The following FHL2 variants were observed in gnomAD, a reference collection of about 807,000 sequenced individuals.
FHL2 encodes four and a half LIM domains protein 2.
In FHL2, 20 loss-of-function variants were observed where a neutral mutation model predicts 32.7. That is an observed-to-expected ratio of 0.61 (90% CI 0.43 to 0.89). The LOEUF (loss-of-function observed/expected upper bound fraction) is 0.89, where lower values mean the gene tolerates loss of function less well. Ranked by LOEUF, FHL2 falls within the 40% of genes least tolerant of loss-of-function variation. The pLI is 0.00. For missense variants in FHL2, 311 were observed against 358.6 expected (o/e 0.87, Z 1.07); for synonymous variants, 123 against 128.1 (o/e 0.96, Z 0.27).
chr2:105,409,721 A>C (rs1391870145), intron 1 of FHL2, among the ~76,000 whole-genome samples: 1 of 152,152 alleles, frequency 6.6e-6, no homozygotes, highest in Non-Finnish European at 1.5e-5. Context: ...GGTGATATAA[A>C]ATCCACCTTG....
chr2:105,412,527 T>C (rs1412155438), intron 1 of FHL2, among the ~76,000 whole-genome samples: 1 of 152,184 alleles, frequency 6.6e-6, no homozygotes, highest in Non-Finnish European at 1.5e-5. Flanking sequence ...TTGGAGCTGA[T>C]GGTATGAACA....
At chr2:105,429,797 T>C (rs547390790) in intron 1 of FHL2, among the ~76,000 whole-genome samples, 138 of 152,294 alleles carry the variant, frequency 9.1e-4, no homozygotes, top group African/African-American at 3.2e-3. Flanking sequence ...AGCCTAGGAA[T>C]TGTAATTGTC....
chr2:105,372,959 C>T (rs1363294508), intron 4 of FHL2, among the ~76,000 whole-genome samples: 3 of 152,182 alleles, frequency 2.0e-5, no homozygotes, highest in African/African-American at 2.4e-5. Flanking sequence ...AAATAACTCC[C>T]CCCACATACA....
intron 3 of FHL2, chr2:105,376,025 ATCG>A (rs1012229942): frequency 6.6e-6 from 1 of 152,202 alleles, no homozygotes; most frequent in African/African-American, 2.4e-5. Context: ...GGACATCATC[ATCG>A]TTCGGGAACA....
Position 105,429,327 on chromosome 2 carries a change from A to G in FHL2, c.-25+9072T>C, listed in dbSNP as rs558628272. The stretch of plus-strand genomic sequence containing the variant: ...GGAACCCATGAATATGACACCTTAC[A>G]TGGCAAGAGGGGCTTTGCAGATGTG... On this transcript the variant is annotated intron_variant, in intron 1 of 5. Transcript: ENST00000393352. 5.9e-5 allele frequency among the ~76,000 whole-genome samples: 9 copies of G among 152,344 alleles called. No individual in the cohort carries two copies. In the South Asian group the frequency reaches 1.9e-3, roughly 32 times the overall value.
intron 4 of FHL2, among the ~76,000 whole-genome samples, chr2:105,369,191 A>G (rs1680848647): frequency 6.6e-6 from 1 of 152,176 alleles, no homozygotes; most frequent in South Asian, 2.1e-4. Context: ...GGGTCAGGGA[A>G]TGATGGGGAA....
downstream of FHL2, chr2:105,358,286 C>T (rs1680092996): frequency 6.6e-6 from 1 of 152,270 alleles, no homozygotes; most frequent in Admixed American, 6.5e-5. Context: ...TGGATCTCCT[C>T]TGGGGGCTGG....
chr2:105,430,548 G>T (rs1390667629), intron 1 of FHL2, among the ~76,000 whole-genome samples: 1 of 152,138 alleles, frequency 6.6e-6, no homozygotes, highest in Non-Finnish European at 1.5e-5. Flanking sequence ...GGCACCTGTA[G>T]TCCAAGCTAC....
chr2:105,432,716 A>C (rs926504172), intron 1 of FHL2, among the ~76,000 whole-genome samples: 3 of 152,178 alleles, frequency 2.0e-5, no homozygotes. Flanking sequence ...GTGTGCACAC[A>C]GGCACACTCA....
chr2:105,376,377 C>A (rs188797126), intron 3 of FHL2: 1 of 152,176 alleles, frequency 6.6e-6, no homozygotes, highest in African/African-American at 2.4e-5. Flanking sequence ...AATCCAGAAA[C>A]GACCAAACTC....
chr2:105,397,427 C>T (rs1683216666), intron 1 of FHL2, among the ~76,000 whole-genome samples: 1 of 152,172 alleles, frequency 6.6e-6, no homozygotes, highest in Non-Finnish European at 1.5e-5. Context: ...GTGGAGAAAA[C>T]CGAGACACTA....
In FHL2 at chr2:105,361,306, G is replaced by A. The variant is rs1680237611; in HGVS notation, c.817C>T (p.Pro273Ser). The change falls in exon 7 of 7, where the codon CCC becomes TCC. Residue 273 changes from proline (P) to serine (S), a missense_variant. Transcript: ENST00000530340. ...ATTCAGATGTCTTTCCCACAGTCGG[G>A]GCACAGGATGTCGTCCCTCTCTGTG... ...FLTERDDILC[P>S]DCGKDI is the part of the protein sequence containing the mutation. 1 of 1,613,988 alleles carries A rather than the reference G, an allele frequency of 6.2e-7. No individual in the cohort carries two copies. The highest frequency in any genetic ancestry group is 2.2e-5 in the East Asian group (1 of 44,872).
At chr2:105,388,419 T>A (rs1245433998) in intron 2 of FHL2, among the ~76,000 whole-genome samples, 3 of 152,124 alleles carry the variant, frequency 2.0e-5, no homozygotes, top group African/African-American at 7.2e-5. Flanking sequence ...ACCACAGGAA[T>A]AGCTGGTGTG....
At chr2:105,423,112 C>T (rs1414457628) in intron 1 of FHL2, among the ~76,000 whole-genome samples, 1 of 152,158 alleles carries the variant, frequency 6.6e-6, no homozygotes, top group Admixed American at 6.5e-5. Context: ...CCATTCCTCT[C>T]TCTGATGTTT....
intron 3 of FHL2, chr2:105,374,014 C>T (rs191182261): frequency 1.5e-5 from 7 of 456,980 alleles, no homozygotes; most frequent in Admixed American, 1.4e-4. Flanking sequence ...AGGGATTTCC[C>T]TTATGTATTG....
chr2:105,426,423 G>A (rs1684270407), intron 1 of FHL2, among the ~76,000 whole-genome samples: 1 of 152,208 alleles, frequency 6.6e-6, no homozygotes, highest in Non-Finnish European at 1.5e-5. Context: ...ACATGGTAAA[G>A]AATGGAAACA....
chr2:105,368,153 C>T (rs578017482), intron 4 of FHL2, among the ~76,000 whole-genome samples: 3 of 152,126 alleles, frequency 2.0e-5, no homozygotes, highest in Non-Finnish European at 4.4e-5. Flanking sequence ...ATAATGAACA[C>T]CCCGTCTGGT....
chr2:105,371,976 T>C (rs1217038733), intron 4 of FHL2, among the ~76,000 whole-genome samples: 1 of 152,118 alleles, frequency 6.6e-6, no homozygotes, highest in Non-Finnish European at 1.5e-5. Flanking sequence ...CACATGATCT[T>C]AGAAGAGGCC....
chr2:105,377,752 A>G, intron 3 of FHL2: 1 of 265,622 alleles, frequency 3.8e-6, no homozygotes, highest in Non-Finnish European at 7.5e-6. Flanking sequence ...TCGTTTGGGG[A>G]AAAGCTGCAG....
Sources: allele counts gnomAD v4.1 joint callset (sites outside exome capture counted in the v4.1 genomes callset), GRCh38; gene constraint gnomAD v4.1.1; transcripts MANE v1.5; gene names NCBI Gene and HGNC (gene_info 2026-07-23, HGNC 2026-07-21).